AFF2: variants seen among roughly 807,000 people sequenced by gnomAD.
AFF2 encodes AF4/FMR2 family member 2.
In AFF2, 14 loss-of-function variants were observed where a neutral mutation model predicts 76.9. The observed-to-expected ratio is 0.18, with a 90% CI of 0.12 to 0.28. AFF2 has a LOEUF of 0.28. Ranked by LOEUF, AFF2 falls within the 10% of genes least tolerant of loss-of-function variation. The probability of loss-of-function intolerance (pLI) is 1.00; values close to 1 mark genes in which losing one functional copy is unlikely to be tolerated. For missense variants in AFF2, 868 were observed against 1,001.1 expected (o/e 0.87, Z 1.79); for synonymous variants, 398 against 366.7 (o/e 1.09, Z -0.98).
chrX:148,780,478 A>T (rs782539725), intron 3 of AFF2, among the ~76,000 whole-genome samples: 2 of 111,727 alleles, frequency 1.8e-5, no homozygotes, highest in South Asian at 7.5e-4. Flanking sequence ...TCTTGTCTTC[A>T]TGCTTTATTT....
intron 1 of AFF2, among the ~76,000 whole-genome samples, chrX:148,515,633 G>T (rs1192287050): frequency 1.8e-5 from 2 of 111,969 alleles, no homozygotes; most frequent in Non-Finnish European, 3.8e-5. Context: ...GATATAAAAA[G>T]AAATGTGATC....
chrX:148,501,323 G>A (rs2052347001), intron 1 of AFF2, among the ~76,000 whole-genome samples, 179 bp downstream of exon 1: 1 of 112,614 alleles, frequency 8.9e-6, no homozygotes, highest in Admixed American at 9.3e-5. Flanking sequence ...GCCGGGGTGG[G>A]GGGAGGTGCG....
chrX:148,725,762 T>C (rs2055148326), intron 3 of AFF2, among the ~76,000 whole-genome samples: 1 of 112,247 alleles, frequency 8.9e-6, no homozygotes, highest in Non-Finnish European at 1.9e-5. Flanking sequence ...AAAACTTAAG[T>C]GACTCAAAAT....
At chrX:148,879,330 T>C (rs1199645552) in intron 7 of AFF2, among the ~76,000 whole-genome samples, 1 of 111,654 alleles carries the variant, frequency 9.0e-6, no homozygotes, top group Non-Finnish European at 1.9e-5. Flanking sequence ...TTAAATCCTA[T>C]GCAATATCCA....
intron 4 of AFF2, among the ~76,000 whole-genome samples, chrX:148,827,478 C>T (rs1557273037): frequency 1.8e-5 from 2 of 111,756 alleles, no homozygotes; most frequent in Non-Finnish European, 3.8e-5. Context: ...CCTTCTGCCC[C>T]CCTTTGCCTG....
Position 148,594,514 on chromosome X carries a change from A to ATT in AFF2, c.48-57474_48-57473dup, listed in dbSNP as rs112621411. Reference sequence around the variant, plus strand: ...AACCACACCAAAACTACAATAAGGGATTTTTTTTTTTTAAAGAAACTCAAA... The same window carrying ATT: ...AACCACACCAAAACTACAATAAGGGATTTTTTTTTTTTTTAAAGAAACTCAAA... On this transcript the variant is annotated intron_variant, in intron 1 of 20. Transcript: ENST00000370460. Among the ~76,000 whole-genome samples the ATT allele has an allele frequency of 6.4e-3, 672 of 105,040 alleles. 2 individuals carry two copies. The highest frequency in any genetic ancestry group is 9.4e-3 in the Non-Finnish European group (481 of 51,087). 91.2% of individuals were successfully genotyped at this position (105,040 alleles called of 115,157 possible). A position where few individuals can be genotyped will look rare whatever the true frequency, so the allele number is the denominator to read the frequency against.
At position 148,736,103 on chromosome X, in the gene AFF2, AATG is replaced by A. The variant is rs782046847; in HGVS notation, c.1041+73338_1041+73340del. Among the ~76,000 whole-genome samples, 4 of 111,891 alleles carry A rather than the reference AATG, an allele frequency of 3.6e-5. No homozygotes were observed. The East Asian group carries it at 1.1e-3, about 32-fold the overall frequency. On this transcript the variant is annotated intron_variant, in intron 3 of 20. Transcript: ENST00000370460. Reference sequence around the variant, plus strand: ...GCATGTGTGAGTATCTTTTTCCTATAATGATCTGTTTTCCTCTGGTTAGATACC... The same window carrying A: ...GCATGTGTGAGTATCTTTTTCCTATAATCTGTTTTCCTCTGGTTAGATACC...
chrX:148,985,303 T>G (rs1199190699), intron 19 of AFF2, among the ~76,000 whole-genome samples: 1 of 68,037 alleles, frequency 1.5e-5, no homozygotes, highest in African/African-American at 5.7e-5. Context: ...TTTTTTTTTT[T>G]TTTTTTTTTT....
intron 3 of AFF2, among the ~76,000 whole-genome samples, chrX:148,741,756 A>G (rs1329817545): frequency 2.7e-5 from 3 of 111,003 alleles, no homozygotes; most frequent in African/African-American, 9.9e-5. Flanking sequence ...CTCTCAATGG[A>G]TCCCTGTGGT....
Position 148,966,787 on chromosome X carries a change from CA to C in AFF2, c.2914-2del, listed in dbSNP as rs1299857983. On this transcript the variant is annotated splice_acceptor_variant, in intron 13 of 20. Coordinates refer to ENST00000370460, the MANE Select transcript of AFF2 (RefSeq NM_002025.4). LOFTEE classifies it high-confidence loss of function. The stretch of plus-strand genomic sequence containing the variant: ...GGAAACTATTTGTCCTCCTTTTTCC[CA>C]GGAGGGAGACACTCCAAAAAAGGCA... 1 of 1,205,417 alleles carries C rather than the reference CA, an allele frequency of 8.3e-7. No individual in the cohort carries two copies. The highest frequency in any genetic ancestry group is 1.8e-5 in the African/African-American group (1 of 56,306).
At chrX:148,522,411 G>A (rs1248941720) in intron 1 of AFF2, among the ~76,000 whole-genome samples, 1 of 112,252 alleles carries the variant, frequency 8.9e-6, no homozygotes, top group African/African-American at 3.2e-5. Context: ...AGGTGAGAGT[G>A]GACTTTCTGG....
At chrX:148,615,259 G>A (rs1436483084) in intron 1 of AFF2, among the ~76,000 whole-genome samples, 1 of 111,964 alleles carries the variant, frequency 8.9e-6, no homozygotes, top group Non-Finnish European at 1.9e-5. Context: ...AATGCACTGA[G>A]AAGCCAAGGG....
chrX:148,843,192 T>C (rs2070621898), intron 6 of AFF2, among the ~76,000 whole-genome samples, 190 bp downstream of exon 6: 1 of 110,869 alleles, frequency 9.0e-6, no homozygotes, highest in Non-Finnish European at 1.9e-5. Flanking sequence ...TATCTGGCCT[T>C]TTTCACTTAA....
chrX:148,986,041 G>A (rs1253235877), intron 19 of AFF2, among the ~76,000 whole-genome samples: 3 of 99,035 alleles, frequency 3.0e-5, no homozygotes, highest in African/African-American at 1.1e-4. Context: ...TGCCCGTCAG[G>A]GTGCACATCT....
chrX:148,920,972 G>T (rs1048031168), intron 9 of AFF2, among the ~76,000 whole-genome samples: 1 of 111,043 alleles, frequency 9.0e-6, no homozygotes, highest in Non-Finnish European at 1.9e-5. Flanking sequence ...CATGTTTCTG[G>T]CATATGGAGC....
At chrX:148,640,550 G>A (rs1458517926) in intron 1 of AFF2, among the ~76,000 whole-genome samples, 2 of 112,152 alleles carry the variant, frequency 1.8e-5, no homozygotes, top group Admixed American at 9.4e-5. Flanking sequence ...ACATAACTGC[G>A]TAAACGCTTT....
At chrX:148,846,983 C>T (rs1425066041) in intron 7 of AFF2, among the ~76,000 whole-genome samples, 2 of 111,275 alleles carry the variant, frequency 1.8e-5, no homozygotes, top group African/African-American at 6.5e-5. Context: ...TCACTGCAAG[C>T]TCCGCCTCCC....
At chrX:148,914,377 A>T (rs2071504023) in intron 9 of AFF2, among the ~76,000 whole-genome samples, 1 of 111,979 alleles carries the variant, frequency 8.9e-6, no homozygotes, top group Non-Finnish European at 1.9e-5. Flanking sequence ...TGCATGTGCC[A>T]GTATACCTAA....
chrX:148,554,629 G>A (rs1017229946), intron 1 of AFF2, among the ~76,000 whole-genome samples: 10 of 112,367 alleles, frequency 8.9e-5, no homozygotes, highest in Middle Eastern at 4.6e-3. Flanking sequence ...ATTGTTTCTC[G>A]TGGGGATAAT....
Sources: gnomAD v4.1 joint callset for allele counts (sites outside exome capture counted in the v4.1 genomes callset) on GRCh38, gnomAD v4.1.1 for gene constraint, MANE v1.5 for transcripts, NCBI Gene and HGNC (gene_info 2026-07-23, HGNC 2026-07-21) for gene names.